Variants in CLDN14 observed in about 807,000 individuals in gnomAD.
The protein encoded by CLDN14 is claudin-14.
A neutral mutation model predicts 2.1 loss-of-function variants in CLDN14; 2 were observed. The ratio of observed to expected loss-of-function variants is 0.96; its 90% CI spans 0.39 to 3.01. CLDN14 has a LOEUF of 3.01. CLDN14 is among the 30% of genes most tolerant of loss of function. The pLI, the probability that CLDN14 is intolerant of heterozygous loss-of-function variation, is 0.09. For synonymous variants in CLDN14, 136 were observed against 154.4 expected, an observed-to-expected ratio of 0.88 and a Z score of 0.88; for missense variants, 298 against 328.0, an observed-to-expected ratio of 0.91 and a Z score of 0.71.
Position 36,533,075 on chromosome 21 carries a change from A to C in CLDN14, c.-219-22575T>G, listed in dbSNP as rs182181606. Among the ~76,000 whole-genome samples the C allele has an allele frequency of 1.4e-4, 22 of 152,360 alleles. No homozygotes were observed. In the East Asian group the frequency reaches 4.2e-3, roughly 29 times the overall value. The stretch of plus-strand genomic sequence containing the variant: ...TCCTAGCCATAAAACAAGTAAATTC[A>C]GCGTGGTCTGAAATTCCAGAGCGTA... On this transcript the variant is annotated intron_variant, in intron 1 of 2. Coordinates refer to the CLDN14 transcript ENST00000342108.
rs370758917 is a variant in CLDN14, at chr21:36,567,309, G to A, written c.-220+9102C>T. On this transcript the variant is annotated intron_variant, in intron 1 of 2. Coordinates refer to the CLDN14 transcript ENST00000342108. ...TCTGCCCTTGGAAGGGAAAGTTGAT[G>A]TAGAATAGCAATAAATCTCCAAGGC... Among the ~76,000 whole-genome samples, 88 of 152,342 alleles carry A rather than the reference G, an allele frequency of 5.8e-4. No individual in the cohort carries two copies. In the Middle Eastern group the frequency reaches 0.014, roughly 24 times the overall value.
At chr21:36,478,720 T>A (rs2146445689) in intron 1 of CLDN14, among the ~76,000 whole-genome samples, 1 of 152,270 alleles carries the variant, frequency 6.6e-6, no homozygotes, top group Non-Finnish European at 1.5e-5. Context: ...CTTTGAACAC[T>A]GCGGGAATTA....
At chr21:36,483,244 T>G (rs571212459), upstream of CLDN14, among the ~76,000 whole-genome samples, 14 of 151,772 alleles carry the variant, frequency 9.2e-5, no homozygotes, top group South Asian at 6.2e-4. Flanking sequence ...CCAGGTGGTG[T>G]TGTTTCTGAC....
At chr21:36,534,667 A>C (rs1477002127) in intron 1 of CLDN14, among the ~76,000 whole-genome samples, 1 of 152,166 alleles carries the variant, frequency 6.6e-6, no homozygotes, top group Non-Finnish European at 1.5e-5. Flanking sequence ...TGTGCCAGAC[A>C]TTCTACTCCA....
chr21:36,532,316 A>G (rs1046268804), intron 1 of CLDN14: 1 of 152,084 alleles, frequency 6.6e-6, no homozygotes, highest in African/African-American at 2.4e-5. Flanking sequence ...ATGGAGAAAG[A>G]CTTTCACCCA....
intron 1 of CLDN14, among the ~76,000 whole-genome samples, chr21:36,537,186 C>T (rs1264316297): frequency 1.3e-5 from 2 of 151,928 alleles, no homozygotes; most frequent in Non-Finnish European, 2.9e-5. Context: ...AGCAAAACTC[C>T]ATCTCAAACA....
chr21:36,547,417 T>C (rs1294449596), intron 1 of CLDN14, among the ~76,000 whole-genome samples: 1 of 152,188 alleles, frequency 6.6e-6, no homozygotes, highest in African/African-American at 2.4e-5. Context: ...AAAGTTTTTA[T>C]TTTAAAGAAA....
At chr21:36,554,326 G>T (rs971441333) in intron 1 of CLDN14, among the ~76,000 whole-genome samples, 4 of 152,120 alleles carry the variant, frequency 2.6e-5, no homozygotes, top group African/African-American at 4.8e-5. Context: ...GTTTCCTGCT[G>T]CAGGCCTGGT....
At chr21:36,521,581 T>A (rs1200690727) in intron 1 of CLDN14, among the ~76,000 whole-genome samples, 1 of 152,216 alleles carries the variant, frequency 6.6e-6, no homozygotes, top group African/African-American at 2.4e-5. Flanking sequence ...TGTAGAGGGC[T>A]TGGGATTGTT....
At chr21:36,540,222 A>G (rs1175238684) in intron 1 of CLDN14, among the ~76,000 whole-genome samples, 4 of 152,056 alleles carry the variant, frequency 2.6e-5, no homozygotes, top group African/African-American at 7.3e-5. Flanking sequence ...CAAGTCCCTG[A>G]TATTAAATGG....
intron 1 of CLDN14, among the ~76,000 whole-genome samples, chr21:36,536,940 C>T (rs58506417): frequency 0.022 from 3,322 of 152,298 alleles, 127 homozygotes; most frequent in African/African-American, 0.076. Context: ...CCTGTAATCC[C>T]AGCACTTTGG....
chr21:36,538,633 A>T (rs571200782), intron 1 of CLDN14, among the ~76,000 whole-genome samples: 2 of 151,890 alleles, frequency 1.3e-5, no homozygotes, highest in Non-Finnish European at 2.9e-5. Flanking sequence ...AAGAGAGAGA[A>T]AAAAAAGAAG....
intron 2 of CLDN14, among the ~76,000 whole-genome samples, chr21:36,501,767 T>C (rs1210131342): frequency 6.6e-6 from 1 of 152,146 alleles, no homozygotes; most frequent in Non-Finnish European, 1.5e-5. Flanking sequence ...CATGGTTTTC[T>C]CTAGTTGAAC....
intron 1 of CLDN14, among the ~76,000 whole-genome samples, chr21:36,471,491 A>G (rs57067750): frequency 0.014 from 2,166 of 152,282 alleles, 35 homozygotes; most frequent in African/African-American, 0.047. Flanking sequence ...TGGCTGGGGT[A>G]TAATTGGTGA....
chr21:36,545,905 T>C (rs2087523111), intron 1 of CLDN14, among the ~76,000 whole-genome samples: 1 of 152,166 alleles, frequency 6.6e-6, no homozygotes, highest in Admixed American at 6.5e-5. Flanking sequence ...AAACCTCTTC[T>C]TGGACCCAGG....
chr21:36,556,945 C>A (rs1242952538), intron 1 of CLDN14, among the ~76,000 whole-genome samples: 1 of 152,160 alleles, frequency 6.6e-6, no homozygotes, highest in Non-Finnish European at 1.5e-5. Context: ...AAGCAACTGC[C>A]CATTTCTCCC....
intron 1 of CLDN14, among the ~76,000 whole-genome samples, chr21:36,533,020 G>A (rs1159163144): frequency 2.0e-5 from 3 of 152,152 alleles, no homozygotes; most frequent in Admixed American, 6.5e-5. Flanking sequence ...AGACTCCTGC[G>A]TTTAACATCT....
chr21:36,539,522 AGAGT>A (rs1341051377), intron 1 of CLDN14, among the ~76,000 whole-genome samples: 3 of 130,934 alleles, frequency 2.3e-5, no homozygotes, highest in African/African-American at 6.0e-5. Flanking sequence ...GAGTGTATGC[AGAGT>A]GAGTGTATGT....
At chr21:36,461,797 G>T in intron 1 of CLDN14, 21 bp from the exon 2 acceptor site, 1 of 1,455,606 alleles carries the variant, frequency 6.9e-7, no homozygotes, top group South Asian at 1.3e-5. Flanking sequence ...CAAGGGAGGC[G>T]GGAGCAGGGA....
Sources: gnomAD v4.1 joint callset for allele counts (sites outside exome capture counted in the v4.1 genomes callset) on GRCh38, gnomAD v4.1.1 for gene constraint, MANE v1.5 for transcripts, NCBI Gene and HGNC (gene_info 2026-07-23, HGNC 2026-07-21) for gene names.